Variants in TENM3 observed in about 807,000 individuals in gnomAD.
TENM3 encodes teneurin transmembrane protein 3.
TENM3 carries 63 observed loss-of-function variants against 255.1 expected under a neutral mutation model. That is an observed-to-expected ratio of 0.25 (90% CI 0.20 to 0.30). The LOEUF is 0.30. Among genes scored for constraint, TENM3 ranks in the 10% least tolerant of loss-of-function variants. The pLI, the probability that TENM3 is intolerant of heterozygous loss-of-function variation, is 1.00. For synonymous variants in TENM3, 1,306 were observed against 1,322.3 expected (o/e 0.99, Z 0.27); for missense variants, 2,929 against 3,461.1 (o/e 0.85, Z 3.86).
chr4:182,249,746 T>C (rs1295520420), intron 1 of TENM3, among the ~76,000 whole-genome samples: 1 of 152,108 alleles, frequency 6.6e-6, no homozygotes, highest in Non-Finnish European at 1.5e-5. Context: ...ATATTCTTAG[T>C]TAGTGGTTTT....
At chr4:182,022,542 A>G in the TENM3 span, among the ~76,000 whole-genome samples, 2 of 152,022 alleles carry the variant, frequency 1.3e-5, no homozygotes, top group African/African-American at 2.4e-5. Flanking sequence ...AAAAAAAAAA[A>G]AAAAATCCAA....
the TENM3 span, among the ~76,000 whole-genome samples, chr4:181,789,048 G>A: frequency 6.6e-6 from 1 of 152,052 alleles, no homozygotes; most frequent in Non-Finnish European, 1.5e-5. Flanking sequence ...TGGCTAGGTG[G>A]TATGGTATAA....
chr4:182,258,250 T>C (rs1758553391), intron 1 of TENM3, among the ~76,000 whole-genome samples: 1 of 152,186 alleles, frequency 6.6e-6, no homozygotes, highest in African/African-American at 2.4e-5. Context: ...TTACTGAATT[T>C]AGTGGTAAAC....
At chr4:182,147,467 T>C (rs1750047829) in intron 1 of TENM3, among the ~76,000 whole-genome samples, 1 of 152,222 alleles carries the variant, frequency 6.6e-6, no homozygotes, top group South Asian at 2.1e-4. Flanking sequence ...TTAAACTTTA[T>C]TTTACCCTGT....
the TENM3 span, among the ~76,000 whole-genome samples, chr4:181,776,627 A>G: frequency 6.6e-6 from 1 of 152,012 alleles, no homozygotes; most frequent in Non-Finnish European, 1.5e-5. Context: ...ACTGCATTAA[A>G]ATGATATCTC....
the TENM3 span, among the ~76,000 whole-genome samples, chr4:181,945,875 A>T: frequency 6.6e-6 from 1 of 152,154 alleles, no homozygotes. Context: ...TCACACAAGC[A>T]CACGTGCACA....
the TENM3 span, among the ~76,000 whole-genome samples, chr4:181,565,962 T>A: frequency 2.0e-4 from 31 of 152,214 alleles, 1 homozygote; most frequent in Non-Finnish European, 3.8e-4. Context: ...GAGACAGAAA[T>A]TAATCACATA....
chr4:181,985,726 G>GT, the TENM3 span, among the ~76,000 whole-genome samples: 27 of 152,198 alleles, frequency 1.8e-4, no homozygotes, highest in African/African-American at 5.3e-4. Flanking sequence ...AAAATGTGGG[G>GT]TTTTTTCCCT....
At chr4:182,272,724 C>G (rs997607914) in intron 1 of TENM3, among the ~76,000 whole-genome samples, 4 of 152,178 alleles carry the variant, frequency 2.6e-5, no homozygotes, top group African/African-American at 4.8e-5. Context: ...AGAAGACAGA[C>G]ATGGTCCCTA....
At chr4:181,549,156 C>T in the TENM3 span, among the ~76,000 whole-genome samples, 4 of 152,154 alleles carry the variant, frequency 2.6e-5, no homozygotes, top group Admixed American at 2.6e-4. Context: ...TTACCCTATA[C>T]TCCCACCCCA....
At chr4:182,588,786 G>A (rs1581029218) in intron 3 of TENM3, among the ~76,000 whole-genome samples, 1 of 152,172 alleles carries the variant, frequency 6.6e-6, no homozygotes, top group African/African-American at 2.4e-5. Flanking sequence ...TAGGAAAAAT[G>A]TGTCTGAGGC....
chr4:182,203,106 A>G (rs552770602), intron 1 of TENM3, among the ~76,000 whole-genome samples: 157 of 152,006 alleles, frequency 1.0e-3, no homozygotes, highest in African/African-American at 3.4e-3. Context: ...AATCCCAGCT[A>G]TTCGGGAGGC....
chr4:182,109,810 T>C, the TENM3 span, among the ~76,000 whole-genome samples: 2 of 152,206 alleles, frequency 1.3e-5, no homozygotes, highest in Non-Finnish European at 1.5e-5. Context: ...AAATTGCATG[T>C]GTGGATGAGG....
intron 22 of TENM3, among the ~76,000 whole-genome samples, chr4:182,763,175 TTA>T (rs1763354493): frequency 2.6e-5 from 4 of 152,312 alleles, no homozygotes; most frequent in Admixed American, 2.6e-4. Context: ...GCTGAAAAAC[TTA>T]TAGTGTATTT....
At chr4:181,652,577 G>A in the TENM3 span, among the ~76,000 whole-genome samples, 1 of 152,176 alleles carries the variant, frequency 6.6e-6, no homozygotes, top group Non-Finnish European at 1.5e-5. Flanking sequence ...ACGTTGGACT[G>A]CACCTTTCCA....
At position 182,688,212 on chromosome 4, in the gene TENM3, G is replaced by C. The variant is rs775167876; in HGVS notation, c.2082G>C (p.Gly694=). 1.9e-6 allele frequency: 3 copies of C among 1,613,766 alleles called. No individual in the cohort carries two copies. The highest frequency in any genetic ancestry group is 2.2e-5 in the South Asian group (2 of 91,050). The part of the protein sequence containing the change: ...DCGSHGVCMG[G]TCRCEEGWTG... ...GCTCACACGGCGTTTGCATGGGGGG[G>C]ACGTGTCGCTGTGAAGAAGGCTGGA... The change falls in exon 12 of 28, where the codon GGG becomes GGC. Residue 694 remains glycine (G), a synonymous_variant. Transcript: ENST00000511685.
At chr4:181,990,674 G>A in the TENM3 span, among the ~76,000 whole-genome samples, 1 of 152,072 alleles carries the variant, frequency 6.6e-6, no homozygotes, top group Non-Finnish European at 1.5e-5. Context: ...GGCATGCCGA[G>A]GAGGTTGTAT....
chr4:181,912,058 A>G, the TENM3 span, among the ~76,000 whole-genome samples: 2 of 152,234 alleles, frequency 1.3e-5, no homozygotes, highest in East Asian at 3.9e-4. Flanking sequence ...CAAAATGAAG[A>G]AACCTAGTAC....
chr4:181,625,704 C>G, the TENM3 span, among the ~76,000 whole-genome samples: 1 of 151,892 alleles, frequency 6.6e-6, no homozygotes, highest in Admixed American at 6.6e-5. Flanking sequence ...GTCCCAGCCA[C>G]TCGGGAGACT....
Sources: allele counts gnomAD v4.1 joint callset (sites outside exome capture counted in the v4.1 genomes callset), GRCh38; gene constraint gnomAD v4.1.1; transcripts MANE v1.5; gene names NCBI Gene and HGNC (gene_info 2026-07-23, HGNC 2026-07-21).